Variants in FAM167A observed in about 807,000 individuals in gnomAD.
The protein encoded by FAM167A is family with sequence similarity 167 member A, also known as protein FAM167A.
In FAM167A, 23 loss-of-function variants were observed where a neutral mutation model predicts 14.9. The ratio of observed to expected loss-of-function variants is 1.55; its 90% confidence interval spans 1.11 to 2.19. The LOEUF (loss-of-function observed/expected upper bound fraction) is 2.19, where lower values mean the gene tolerates loss of function less well. Among genes scored for constraint, FAM167A ranks in the 30% most tolerant of loss-of-function variants. The pLI is 0.00. For synonymous variants in FAM167A, 174 were observed against 117.7 expected, an observed-to-expected ratio of 1.48 and a Z score of -3.10; for missense variants, 401 against 281.5, an observed-to-expected ratio of 1.42 and a Z score of -3.04.
At chr8:11,440,223 C>T (rs1806347963) in intron 2 of FAM167A, among the ~76,000 whole-genome samples, 1 of 152,192 alleles carries the variant, frequency 6.6e-6, no homozygotes, top group Non-Finnish European at 1.5e-5. Context: ...CTGCCACAGC[C>T]AGAGAGCCAC....
In FAM167A at chr8:11,424,165, C is replaced by A; in HGVS notation, c.*208G>T. 1.6e-6 allele frequency: 1 copy of A among 610,748 alleles called. No homozygotes were observed. Among genetic ancestry groups the A allele is most frequent in the Non-Finnish European group, 2.8e-6 (1 of 353,582 alleles). The allele number at this position is 610,748 out of a possible 1,614,324, so 37.8% of individuals were successfully genotyped here. ...TCTGCAGAGCTCTTTGGGTAGTAAG[C>A]AAGAGCCAGTCACAGAGACACTGGC... is the stretch of plus-strand genomic sequence containing the variant. On this transcript the variant is annotated 3_prime_UTR_variant, in exon 3 of 3. Coordinates refer to ENST00000284486, the MANE Select transcript of FAM167A (RefSeq NM_053279.3).
intron 2 of FAM167A, chr8:11,435,070 G>A (rs1379045304): frequency 3.1e-5 from 14 of 456,714 alleles, no homozygotes; most frequent in Admixed American, 2.8e-4. Context: ...AGGCTGATGG[G>A]CAGGTCTCCC....
intron 2 of FAM167A, among the ~76,000 whole-genome samples, chr8:11,441,958 G>C (rs1246149145): frequency 2.0e-5 from 3 of 152,240 alleles, no homozygotes; most frequent in African/African-American, 7.2e-5. Context: ...CGAAGTGCCT[G>C]GCATACAGGA....
intron 2 of FAM167A, among the ~76,000 whole-genome samples, chr8:11,437,065 A>G (rs1806068833): frequency 6.6e-6 from 1 of 151,940 alleles, no homozygotes; most frequent in South Asian, 2.1e-4. Context: ...GTCACTTCAT[A>G]CTCCATTACT....
chr8:11,471,574 G>T (rs1343266263), upstream of FAM167A, among the ~76,000 whole-genome samples: 1 of 152,208 alleles, frequency 6.6e-6, no homozygotes, highest in East Asian at 1.9e-4. Flanking sequence ...ACCATGGGCG[G>T]TCACTTAAGT....
intron 1 of FAM167A, chr8:11,445,469 G>A: frequency 1.0e-6 from 1 of 985,930 alleles, no homozygotes; most frequent in South Asian, 4.7e-5. Context: ...GTGGAGGGAA[G>A]AAGGCGGTGG....
intron 2 of FAM167A, chr8:11,438,440 T>A (rs766479694): frequency 4.4e-6 from 2 of 456,474 alleles, no homozygotes; most frequent in South Asian, 3.1e-5. Context: ...TTCTAGGAGA[T>A]TCTATGCTAC....
At chr8:11,445,231 C>G in intron 1 of FAM167A, 1 of 985,426 alleles carries the variant, frequency 1.0e-6, no homozygotes, top group African/African-American at 1.7e-5. Context: ...GTGGCAACAG[C>G]CGGGGGGTCC....
At chr8:11,451,545 G>A (rs911852793) in intron 1 of FAM167A, among the ~76,000 whole-genome samples, 1 of 152,226 alleles carries the variant, frequency 6.6e-6, no homozygotes, top group Non-Finnish European at 1.5e-5. Context: ...CCTGTGTGGA[G>A]GGAGCTCCCC....
intron 2 of FAM167A, among the ~76,000 whole-genome samples, chr8:11,440,995 T>A (rs181717816): frequency 3.0e-4 from 45 of 151,858 alleles, no homozygotes; most frequent in African/African-American, 1.1e-3. Context: ...CAGTTTTCAA[T>A]CCAATCAAAG....
intron 2 of FAM167A, chr8:11,435,226 T>C: frequency 2.3e-6 from 1 of 425,578 alleles, no homozygotes; most frequent in East Asian, 7.1e-5. Context: ...TCTCCACCTG[T>C]CACCCTTCAG....
At chr8:11,466,482 C>G (rs921364198) in intron 1 of FAM167A, 144 bp downstream of exon 1, 1 of 146,928 alleles carries the variant, frequency 6.8e-6, no homozygotes, top group African/African-American at 2.7e-5. Context: ...CGCGTCCCCT[C>G]CAGGGCGCTT....
chr8:11,443,852 A>T (rs559651928), intron 2 of FAM167A, among the ~76,000 whole-genome samples, 179 bp downstream of exon 2: 1 of 152,100 alleles, frequency 6.6e-6, no homozygotes, highest in Admixed American at 6.5e-5. Context: ...CCCCCCAGCC[A>T]CATACAAATG....
chr8:11,459,859 G>GCACCCACCACCA (rs1247591226), intron 1 of FAM167A, among the ~76,000 whole-genome samples: 1 of 152,108 alleles, frequency 6.6e-6, no homozygotes, highest in Admixed American at 6.5e-5. Flanking sequence ...GGGATTACAG[G>GCACCCACCACCA]CACCCACCAC....
chr8:11,460,370 GT>G (rs1361684423), intron 1 of FAM167A, among the ~76,000 whole-genome samples: 4 of 152,200 alleles, frequency 2.6e-5, no homozygotes, highest in African/African-American at 9.7e-5. Flanking sequence ...TAAGCCATTG[GT>G]TTGGGTGTGA....
intron 2 of FAM167A, among the ~76,000 whole-genome samples, chr8:11,427,511 C>T (rs561932296): frequency 1.3e-5 from 2 of 152,312 alleles, no homozygotes; most frequent in African/African-American, 4.8e-5. Context: ...TGGAGCCAAA[C>T]TGATTAGAAA....
At chr8:11,438,930 C>T (rs1290440503) in intron 2 of FAM167A, among the ~76,000 whole-genome samples, 3 of 152,222 alleles carry the variant, frequency 2.0e-5, no homozygotes, top group African/African-American at 7.2e-5. Flanking sequence ...TGCCCTGTCC[C>T]TGGAAATGGT....
chr8:11,457,024 A>AG (rs1386173888), intron 1 of FAM167A, among the ~76,000 whole-genome samples: 1 of 75,734 alleles, frequency 1.3e-5, no homozygotes, highest in African/African-American at 5.7e-5. Flanking sequence ...GGGCTGGGTT[A>AG]GGGGTATGGG....
rs1228048952 is a variant in FAM167A at position 11,426,775 on chromosome 8, A to G, written c.382-2139T>C. ...GATCAGTCTTTGATCAACCGAATACACAATTTACATGTTTGTTTAGGGTAG... is the reference window on the plus strand; with the variant it reads ...GATCAGTCTTTGATCAACCGAATACGCAATTTACATGTTTGTTTAGGGTAG... On this transcript the variant is annotated intron_variant, in intron 2 of 2. Coordinates refer to ENST00000284486, the MANE Select transcript of FAM167A (RefSeq NM_053279.3). Among the ~76,000 whole-genome samples the G allele has an allele frequency of 3.3e-5, 5 of 152,160 alleles. No individual in the cohort carries two copies. In the South Asian group the frequency reaches 1.0e-3, roughly 32 times the overall value.
Sources: gnomAD v4.1 joint callset for allele counts (sites outside exome capture counted in the v4.1 genomes callset) on GRCh38, gnomAD v4.1.1 for gene constraint, MANE v1.5 for transcripts, NCBI Gene and HGNC (gene_info 2026-07-23, HGNC 2026-07-21) for gene names.